Variants in SLC35D4 observed in about 807,000 individuals in gnomAD.
SLC35D4 encodes the protein solute carrier family 35 member D4, also known as UDP-N-acetylglucosamine transporter SLC35D4.
the SLC35D4 span, chr18:23,352,345 C>A: frequency 7.1e-7 from 1 of 1,404,428 alleles, no homozygotes; most frequent in South Asian, 1.3e-5. Context: ...TAGCCAATGG[C>A]TGACTAGTGT....
chr18:23,287,667 T>C, the SLC35D4 span, among the ~76,000 whole-genome samples: 19,327 of 152,186 alleles, frequency 0.13, 1,437 homozygotes, highest in African/African-American at 0.19. Context: ...AAAGGAAACC[T>C]AGCTGACCCC....
At chr18:23,297,041 A>G in the SLC35D4 span, 2 of 152,228 alleles carry the variant, frequency 1.3e-5, no homozygotes, top group Non-Finnish European at 2.9e-5. Context: ...ATGACAGCAA[A>G]GAAAGGACGG....
the SLC35D4 span, among the ~76,000 whole-genome samples, chr18:23,298,435 C>T: frequency 6.6e-6 from 1 of 152,166 alleles, no homozygotes; most frequent in Non-Finnish European, 1.5e-5. Context: ...GCAAATTGGG[C>T]TGATGGATAG....
the SLC35D4 span, among the ~76,000 whole-genome samples, chr18:23,251,382 C>T: frequency 5.9e-5 from 9 of 152,034 alleles, no homozygotes; most frequent in African/African-American, 1.9e-4. Flanking sequence ...ACCCAAGAGG[C>T]GGAGGTTGCA....
At chr18:23,344,056 G>A in the SLC35D4 span, among the ~76,000 whole-genome samples, 4 of 151,902 alleles carry the variant, frequency 2.6e-5, no homozygotes, top group African/African-American at 7.2e-5. Context: ...GTGCCACGAC[G>A]CCCAGCTAAT....
chr18:23,335,933 A>G, the SLC35D4 span, among the ~76,000 whole-genome samples: 721 of 152,356 alleles, frequency 4.7e-3, 5 homozygotes, highest in African/African-American at 0.016. Flanking sequence ...TAAATGAACA[A>G]ATGATAAATG....
At chr18:23,344,351 C>T in the SLC35D4 span, among the ~76,000 whole-genome samples, 10 of 152,298 alleles carry the variant, frequency 6.6e-5, 1 homozygote, top group South Asian at 2.1e-3. Flanking sequence ...GTACAATTTA[C>T]ATTCCTTTGG....
At chr18:23,302,103 C>G in the SLC35D4 span, among the ~76,000 whole-genome samples, 1 of 152,146 alleles carries the variant, frequency 6.6e-6, no homozygotes, top group Non-Finnish European at 1.5e-5. Flanking sequence ...TGAAACACAC[C>G]CTTTCTCCTA....
At chr18:23,347,593 A>C in the SLC35D4 span, among the ~76,000 whole-genome samples, 1 of 152,054 alleles carries the variant, frequency 6.6e-6, no homozygotes, top group African/African-American at 2.4e-5. Context: ...TAATCATTTA[A>C]AATTTTTTTC....
chr18:23,272,887 C>T, the SLC35D4 span, among the ~76,000 whole-genome samples: 3 of 152,194 alleles, frequency 2.0e-5, no homozygotes, highest in South Asian at 4.1e-4. Context: ...CCTAGACTCT[C>T]GAATCCTGAT....
At chr18:23,261,695 CTT>C in the SLC35D4 span, among the ~76,000 whole-genome samples, 1 of 152,214 alleles carries the variant, frequency 6.6e-6, no homozygotes, top group Non-Finnish European at 1.5e-5. Context: ...ACTCAGAACA[CTT>C]TTGTACAGTA....
At chr18:23,323,988 C>T in the SLC35D4 span, among the ~76,000 whole-genome samples, 4 of 151,272 alleles carry the variant, frequency 2.6e-5, no homozygotes, top group Non-Finnish European at 4.4e-5. Flanking sequence ...GAGGCTGAGG[C>T]AGGAGAATCA....
chr18:23,252,148 G>T, the SLC35D4 span, among the ~76,000 whole-genome samples: 5 of 151,948 alleles, frequency 3.3e-5, no homozygotes. Context: ...ACAAATAGAC[G>T]ATTCCACTTA....
the SLC35D4 span, chr18:23,370,162 G>A: frequency 1.3e-6 from 2 of 1,496,446 alleles, no homozygotes. Context: ...TCACGCCATT[G>A]CACTCCAACA....
the SLC35D4 span, among the ~76,000 whole-genome samples, chr18:23,246,984 T>C: frequency 6.6e-6 from 1 of 152,242 alleles, no homozygotes; most frequent in Non-Finnish European, 1.5e-5. Flanking sequence ...AGAGCCACCA[T>C]GCCCAGCTTG....
the SLC35D4 span, among the ~76,000 whole-genome samples, chr18:23,246,506 G>C: frequency 0.017 from 2,527 of 151,686 alleles, 35 homozygotes; most frequent in Non-Finnish European, 0.027. Flanking sequence ...ATTCTCCTGC[G>C]TCAGCCTCCC....
chr18:23,436,090 C>G, the SLC35D4 span, among the ~76,000 whole-genome samples: 1 of 139,010 alleles, frequency 7.2e-6, no homozygotes, highest in Non-Finnish European at 1.5e-5. Context: ...GGCTGGAATG[C>G]GATCTCGGCT....
At chr18:23,251,026 G>C in the SLC35D4 span, among the ~76,000 whole-genome samples, 1 of 152,220 alleles carries the variant, frequency 6.6e-6, no homozygotes, top group Non-Finnish European at 1.5e-5. Context: ...GAGGTGTCCA[G>C]AGAAAGCCAC....
At chr18:23,397,620 C>A in the SLC35D4 span, among the ~76,000 whole-genome samples, 1 of 152,158 alleles carries the variant, frequency 6.6e-6, no homozygotes. Context: ...TTTGCTTAGA[C>A]CAGTTTTTGA....
Sources: gnomAD v4.1 joint callset for allele counts (sites outside exome capture counted in the v4.1 genomes callset) on GRCh38, gnomAD v4.1.1 for gene constraint, MANE v1.5 for transcripts, NCBI Gene and HGNC (gene_info 2026-07-23, HGNC 2026-07-21) for gene names.